Variants in INTS5 observed in about 807,000 individuals in gnomAD.
INTS5 encodes the protein integrator complex subunit 5.
Under a neutral mutation model 60.0 loss-of-function variants are expected in INTS5, and 29 were observed. That is an observed-to-expected ratio of 0.48 (90% CI 0.36 to 0.66). The LOEUF (loss-of-function observed/expected upper bound fraction) is 0.66, where lower values mean the gene tolerates loss of function less well. Among genes scored for constraint, INTS5 ranks in the 30% least tolerant of loss-of-function variants. The pLI is 0.00. For missense variants in INTS5, 1,129 were observed against 1,307.9 expected, an observed-to-expected ratio of 0.86 and a Z score of 2.11; for synonymous variants, 588 against 558.8, an observed-to-expected ratio of 1.05 and a Z score of -0.74.
At chr11:62,651,957 G>A (rs1412625980) in intron 1 of INTS5, among the ~76,000 whole-genome samples, 1 of 152,174 alleles carries the variant, frequency 6.6e-6, no homozygotes. Flanking sequence ...GAAGTACACA[G>A]TATATGGAAG....
In INTS5 at chr11:62,648,959, T is replaced by G. The variant is rs1159414060; in HGVS notation, c.1121A>C (p.Gln374Pro). 1.9e-6 allele frequency: 3 copies of G among 1,612,598 alleles called. No individual in the cohort carries two copies. The highest frequency in any genetic ancestry group is 2.5e-6 in the Non-Finnish European group (3 of 1,179,242). Residue 374 changes from glutamine (Q) to proline (P), a missense_variant, in exon 2 of 2, where the codon CAA (glutamine) becomes CCA (proline). By Grantham distance (76) the Gln-to-Pro change is moderately conservative. Transcript: ENST00000330574. This position sits in a 1 kb window ranked among gnomAD's most constrained non-coding sequence, Gnocchi z 4.4. ...KPPAVLSQLQ[Q>P]HLQGFPREEL... The stretch of plus-strand genomic sequence containing the variant: ...CTCTCGGGGGAATCCTTGAAGGTGT[T>G]GCTGCAGCTGGCTCAGCACAGCTGG...
Position 62,649,264 on chromosome 11 carries a change from A to T in INTS5, c.816T>A (p.Ser272=), listed in dbSNP as rs1281035929. The T allele has an allele frequency of 8.1e-6, 13 of 1,614,138 alleles. No individual in the cohort carries two copies. The highest frequency in any genetic ancestry group is 1.0e-5 in the Non-Finnish European group (12 of 1,180,024). The change falls in exon 2 of 2, where the codon TCT becomes TCA. Residue 272 remains serine (S), a synonymous_variant. Transcript: ENST00000330574. This position sits in a 1 kb window ranked among gnomAD's most constrained non-coding sequence, Gnocchi z 6.0. ...SSGGSSSQTP[S]TDPFPGSPAI... The stretch of plus-strand genomic sequence containing the variant: ...CAGGAGATCCAGGGAAGGGGTCTGT[A>T]GAGGGGGTCTGAGAAGAGCTTCCAC...
chr11:62,649,701 G>C lies in INTS5; in HGVS notation c.379C>G (p.Gln127Glu). ...GLEDVVQEVQ[Q>E]VLSEFIRANP... ...GCCCGGATAAACTCAGACAGCACCT[G>C]CTGCACTTCCTGAACCACATCCTCT... Residue 127 changes from glutamine (Q) to glutamate (E), a missense_variant, in exon 2 of 2, where the codon CAG becomes GAG. Around this residue, in one of 3 missense-constraint regions of INTS5, gnomAD observed 1,070 missense variants for 1,246.1 expected, o/e 0.86. Transcript: ENST00000330574. The surrounding 1 kb of genome is among the most constrained non-coding windows in gnomAD (Gnocchi z 6.0). The C allele has an allele frequency of 6.2e-7, 1 of 1,614,216 alleles. No individual in the cohort carries two copies. Among genetic ancestry groups the C allele is most frequent in the Non-Finnish European group, 8.5e-7 (1 of 1,180,040 alleles).
rs781691245 is a variant in INTS5 at position 62,649,071 on chromosome 11, T to C, written c.1009A>G (p.Thr337Ala). 2.5e-6 allele frequency: 4 copies of C among 1,610,606 alleles called. No individual in the cohort carries two copies. The highest frequency in any genetic ancestry group is 1.1e-5 in the South Asian group (1 of 90,912). The change falls in exon 2 of 2, where the codon ACG (threonine) becomes GCG (alanine). Residue 337 changes from threonine (T) to alanine (A), a missense_variant. Thr to Ala is a moderately conservative substitution (Grantham distance 58). Coordinates refer to ENST00000330574, the MANE Select transcript of INTS5 (RefSeq NM_030628.2). The surrounding 1 kb of genome is among the most constrained non-coding windows in gnomAD (Gnocchi z 6.0). ...GCCAGCTGCAGTAGGAACGGAACCGTGGCCTGAAGGGAGGGGTCCCCACTG... is the reference window on the plus strand; with the variant it reads ...GCCAGCTGCAGTAGGAACGGAACCGCGGCCTGAAGGGAGGGGTCCCCACTG... ...GRSGDPSLQATVPFLLQLAVM... is the reference protein window; with the variant it reads ...GRSGDPSLQAAVPFLLQLAVM...
rs200570072 is a variant in INTS5 at position 62,653,143 on chromosome 11, G to A, written c.80+27C>T. ...GGATCGGCGCGGGGCCGCGCGATGG[G>A]GGGAAGGTGCCAAGGGCTCTAACTA... On this transcript the variant is annotated intron_variant, in intron 1 of 1. Coordinates refer to ENST00000330574, the MANE Select transcript of INTS5 (RefSeq NM_030628.2). 35 of 1,227,178 alleles carry A rather than the reference G, an allele frequency of 2.9e-5. No individual in the cohort carries two copies. The East Asian group carries it at 6.3e-4, about 22-fold the overall frequency. The allele number at this position is 1,227,178 out of a possible 1,614,324, so 76.0% of individuals were successfully genotyped here. A position where few individuals can be genotyped will look rare whatever the true frequency, so the allele number is the denominator to read the frequency against.
intron 1 of INTS5, 52 bp downstream of exon 1, chr11:62,653,118 G>A: frequency 9.0e-7 from 1 of 1,106,414 alleles, no homozygotes. Context: ...AGAAGGCTAG[G>A]GATCGGCGCG....
rs551589391 is a variant in INTS5 at position 62,648,865 on chromosome 11, G to A, written c.1215C>T (p.Arg405=). 1 of 1,613,958 alleles carries A rather than the reference G, an allele frequency of 6.2e-7. No individual in the cohort carries two copies. Among genetic ancestry groups the A allele is most frequent in the East Asian group, 2.2e-5 (1 of 44,888 alleles). ...CTGTGTCCACCAGGAACTGCAGCAA[G>A]CGGTAGGCACCTGCCCCAGAGGCCT... ...VSQASGAGAY[R]LLQFLVDTAM... is the part of the protein sequence containing the mutation. The change falls in exon 2 of 2, where the codon CGC becomes CGT. Residue 405 remains arginine, a synonymous_variant. Transcript: ENST00000330574. This position sits in a 1 kb window ranked among gnomAD's most constrained non-coding sequence, Gnocchi z 4.4.
chr11:62,652,753 G>A (rs1944606301), intron 1 of INTS5, among the ~76,000 whole-genome samples: 1 of 152,074 alleles, frequency 6.6e-6, no homozygotes, highest in Non-Finnish European at 1.5e-5. Flanking sequence ...CCATTCCTCT[G>A]TTTCCTCCAA....
Position 62,653,141 on chromosome 11 carries a change from G to A in INTS5, c.80+29C>T, listed in dbSNP as rs1408402419. On this transcript the variant is annotated intron_variant, in intron 1 of 1. Coordinates refer to ENST00000330574, the MANE Select transcript of INTS5 (RefSeq NM_030628.2). ...AGGGATCGGCGCGGGGCCGCGCGAT[G>A]GGGGGAAGGTGCCAAGGGCTCTAAC... 1.2e-5 allele frequency: 14 copies of A among 1,217,168 alleles called. No homozygotes were observed. In the South Asian group the frequency reaches 5.5e-4, roughly 48 times the overall value. 75.4% of individuals were successfully genotyped at this position (1,217,168 alleles called of 1,614,324 possible).
chr11:62,651,901 T>G (rs894547048), intron 1 of INTS5, among the ~76,000 whole-genome samples: 1 of 151,776 alleles, frequency 6.6e-6, no homozygotes, highest in Non-Finnish European at 1.5e-5. Context: ...GCGCCATGAG[T>G]GTAGGAACCA....
At chr11:62,650,719 G>A (rs1243790308) in intron 1 of INTS5, among the ~76,000 whole-genome samples, 3 of 151,660 alleles carry the variant, frequency 2.0e-5, no homozygotes, top group Non-Finnish European at 4.4e-5. Context: ...CCCTGTTTTT[G>A]TTTTTCAAGA....
intron 1 of INTS5, among the ~76,000 whole-genome samples, chr11:62,650,408 GC>G (rs2134582623): frequency 6.6e-6 from 1 of 150,976 alleles, no homozygotes; most frequent in East Asian, 2.0e-4. Flanking sequence ...GAGCCACCGC[GC>G]CCGGCCTTTG....
Position 62,653,212 on chromosome 11 carries a change from G to A in INTS5, c.38C>T (p.Pro13Leu). 1 of 1,247,062 alleles carries A rather than the reference G, an allele frequency of 8.0e-7. No individual in the cohort carries two copies. Among genetic ancestry groups the A allele is most frequent in the Non-Finnish European group, 1.0e-6 (1 of 987,710 alleles). 77.2% of individuals were successfully genotyped at this position (1,247,062 alleles called of 1,614,324 possible). A position where few individuals can be genotyped will look rare whatever the true frequency, so the allele number is the denominator to read the frequency against. ...ALCDPPGAPG[P>L]PGPAPATHGP... ...GTGGGTGGCCGGGGCAGGCCCAGGT[G>A]GCCCTGGGGCCCCGGGAGGGTCGCA... is the stretch of plus-strand genomic sequence containing the variant. Residue 13 changes from proline (P) to leucine (L), a missense_variant, in exon 1 of 2, where the codon CCA becomes CTA. Transcript: ENST00000330574.
At position 62,647,364 on chromosome 11, in the gene INTS5, C is replaced by A. The variant is rs762510793; in HGVS notation, c.2716G>T (p.Ala906Ser). Residue 906 changes from alanine to serine, a missense_variant, in exon 2 of 2, where the codon GCA becomes TCA. Coordinates refer to ENST00000330574, the MANE Select transcript of INTS5 (RefSeq NM_030628.2). The stretch of plus-strand genomic sequence containing the variant: ...ATGACAGCCACTAAGGTGCAGGATG[C>A]CTCCAGGTGCCAGGGGGAGTGGGTC... ...DTTHSPWHLE[A>S]SCTLVAVMAE... 3.8e-5 allele frequency: 61 copies of A among 1,613,408 alleles called. No individual in the cohort carries two copies. Among genetic ancestry groups the A allele is most frequent in the Non-Finnish European group, 4.7e-5 (56 of 1,179,878 alleles).
rs780496855 is a variant in INTS5 at position 62,648,385 on chromosome 11, T to A, written c.1695A>T (p.Thr565=). ...ACCGGGCCGTGAAGGGAGGCTGTAA[T>A]GTCCCTGCATGCACCCGAGCCAGAC... ...RSCLARVHAG[T]LQPPFTARFL... Residue 565 remains threonine (T), a synonymous_variant, in exon 2 of 2, where the codon ACA becomes ACT. Coordinates refer to ENST00000330574, the MANE Select transcript of INTS5 (RefSeq NM_030628.2). The surrounding 1 kb of genome is among the most constrained non-coding windows in gnomAD (Gnocchi z 4.4). The A allele has an allele frequency of 1.2e-6, 2 of 1,614,126 alleles. No individual in the cohort carries two copies. The highest frequency in any genetic ancestry group is 1.7e-5 in the Admixed American group (1 of 60,020).
Position 62,646,878 on chromosome 11 carries a change from GAA to G in INTS5, c.*140_*141del. Reference sequence around the variant, plus strand: ...TTCTCAAGTTGGCAAATTTTATTTAGAAAAAAAAAAGTGGGAGAGAAAAAAGT... The same window carrying G: ...TTCTCAAGTTGGCAAATTTTATTTAGAAAAAAAAGTGGGAGAGAAAAAAGT... On this transcript the variant is annotated 3_prime_UTR_variant, in exon 2 of 2. Coordinates refer to ENST00000330574, the MANE Select transcript of INTS5 (RefSeq NM_030628.2). The G allele has an allele frequency of 2.8e-6, 2 of 719,608 alleles. No homozygotes were observed. Among genetic ancestry groups the G allele is most frequent in the South Asian group, 2.2e-5 (1 of 46,108 alleles). 44.6% of individuals were successfully genotyped at this position (719,608 alleles called of 1,614,324 possible).
At chr11:62,650,638 C>G (rs756839380) in intron 1 of INTS5, among the ~76,000 whole-genome samples, 2 of 152,124 alleles carry the variant, frequency 1.3e-5, no homozygotes, top group African/African-American at 2.4e-5. Context: ...TCTCAAACTC[C>G]TGACCTCAAG....
chr11:62,652,884 C>T (rs987552472), intron 1 of INTS5, among the ~76,000 whole-genome samples: 1 of 152,174 alleles, frequency 6.6e-6, no homozygotes, highest in Non-Finnish European at 1.5e-5. Flanking sequence ...ATGGCCAGGG[C>T]AGCTGGGTTC....
At chr11:62,652,894 C>A (rs547281285) in intron 1 of INTS5, among the ~76,000 whole-genome samples, 16 of 152,266 alleles carry the variant, frequency 1.1e-4, no homozygotes, top group African/African-American at 3.9e-4. Flanking sequence ...CAGCTGGGTT[C>A]CCAAGAGTTC....
Sources: gnomAD v4.1 joint callset for allele counts (sites outside exome capture counted in the v4.1 genomes callset) on GRCh38, gnomAD v4.1.1 for gene constraint, gnomAD v4.1.1 regional missense constraint, Gnocchi (gnomAD v3.1) non-coding constraint, MANE v1.5 for transcripts, NCBI Gene and HGNC (gene_info 2026-07-23, HGNC 2026-07-21) for gene names.